KCNJ6: variants seen among roughly 807,000 people sequenced by gnomAD.
KCNJ6 encodes the protein potassium inwardly rectifying channel subfamily J member 6.
A neutral mutation model predicts 34.2 loss-of-function variants in KCNJ6; 9 were observed. The ratio of observed to expected loss-of-function variants is 0.26; its 90% confidence interval spans 0.16 to 0.46. The LOEUF is 0.46. Ranked by LOEUF, KCNJ6 falls within the 20% of genes least tolerant of loss-of-function variation. The pLI is 1.00. For synonymous variants in KCNJ6, 196 were observed against 207.1 expected, an observed-to-expected ratio of 0.95 and a Z score of 0.46; for missense variants, 236 against 531.3, an observed-to-expected ratio of 0.44 and a Z score of 5.46.
In KCNJ6 at chr21:37,762,939, C is replaced by CA. The variant is rs1256863971; in HGVS notation, c.26-47809dup. ...TCAGCGACTGAGAATAACGATGTTC[C>CA]AATCTTGATTCAGCCGGGGAAATCT... On this transcript the variant is annotated intron_variant, in intron 2 of 3. Transcript: ENST00000609713. 6.6e-5 allele frequency among the ~76,000 whole-genome samples: 10 copies of CA among 152,280 alleles called. No individual in the cohort carries two copies. The South Asian group carries it at 1.0e-3, about 16-fold the overall frequency.
chr21:37,808,349 T>C (rs2835974), intron 2 of KCNJ6, among the ~76,000 whole-genome samples: 78,390 of 151,982 alleles, frequency 0.52, 20,494 homozygotes, highest in Middle Eastern at 0.55. Flanking sequence ...AGCTAAAGAA[T>C]CATAATCTGC....
intron 2 of KCNJ6, among the ~76,000 whole-genome samples, chr21:37,729,368 G>A (rs2054872515): frequency 6.6e-6 from 1 of 152,120 alleles, no homozygotes; most frequent in South Asian, 2.1e-4. Context: ...CTGTCACCCA[G>A]GCTGGAGTGC....
chr21:37,853,706 T>C (rs1372031074), intron 1 of KCNJ6, among the ~76,000 whole-genome samples: 1 of 151,826 alleles, frequency 6.6e-6, no homozygotes, highest in Admixed American at 6.6e-5. Flanking sequence ...CTGTGATTCT[T>C]AATATATGTA....
intron 2 of KCNJ6, among the ~76,000 whole-genome samples, chr21:37,765,678 A>G (rs888291199): frequency 6.6e-6 from 1 of 152,216 alleles, no homozygotes; most frequent in African/African-American, 2.4e-5. Context: ...GCATACTACA[A>G]AAAAACCCCT....
intron 3 of KCNJ6, among the ~76,000 whole-genome samples, chr21:37,680,884 G>T (rs1296157090): frequency 6.6e-6 from 1 of 152,052 alleles, no homozygotes; most frequent in Non-Finnish European, 1.5e-5. Flanking sequence ...TATTTCTCTG[G>T]AGAACCCAGA....
intron 2 of KCNJ6, among the ~76,000 whole-genome samples, chr21:37,790,956 C>T (rs1359986135): frequency 6.6e-6 from 1 of 152,212 alleles, no homozygotes; most frequent in Non-Finnish European, 1.5e-5. Flanking sequence ...CACTGTTTAT[C>T]ACAGTTGGAT....
Position 37,634,402 on chromosome 21 carries a change from G to A in KCNJ6, c.947-8918C>T, listed in dbSNP as rs1313321426. On this transcript the variant is annotated intron_variant, in intron 3 of 3. Transcript: ENST00000609713. ...CTTCCTGAAGCCCTCACCAGAGGCC[G>A]GGGCCATGCTTCCTGTACAGCCTGC... is the stretch of plus-strand genomic sequence containing the variant. 7.9e-5 allele frequency among the ~76,000 whole-genome samples: 12 copies of A among 152,250 alleles called. No individual in the cohort carries two copies. In the East Asian group the frequency reaches 1.7e-3, roughly 22 times the overall value.
chr21:37,794,797 T>C (rs773783217), intron 2 of KCNJ6, among the ~76,000 whole-genome samples: 1 of 151,736 alleles, frequency 6.6e-6, no homozygotes, highest in Non-Finnish European at 1.5e-5. Context: ...AAAACCTAGA[T>C]GATGGGTTGA....
At chr21:37,867,555 T>C (rs751909469) in intron 1 of KCNJ6, among the ~76,000 whole-genome samples, 19 of 152,304 alleles carry the variant, frequency 1.2e-4, no homozygotes, top group South Asian at 1.0e-3. Context: ...TATATAAACA[T>C]TTGTTTACGT....
intron 2 of KCNJ6, among the ~76,000 whole-genome samples, chr21:37,764,772 C>T (rs577131717): frequency 5.6e-4 from 85 of 152,302 alleles, no homozygotes; most frequent in African/African-American, 1.9e-3. Flanking sequence ...TTGGTCATCC[C>T]GTGATCTTAC....
chr21:37,627,704 T>C (rs921984680), intron 3 of KCNJ6, among the ~76,000 whole-genome samples: 2 of 152,218 alleles, frequency 1.3e-5, no homozygotes, highest in African/African-American at 4.8e-5. Flanking sequence ...GAAGACCACA[T>C]GCATGTGTAA....
At chr21:37,836,888 T>C (rs959860948) in intron 2 of KCNJ6, among the ~76,000 whole-genome samples, 8 of 152,084 alleles carry the variant, frequency 5.3e-5, no homozygotes, top group Non-Finnish European at 1.0e-4. Context: ...TAAAGTATTA[T>C]ATATAAAAAA....
chr21:37,884,657 T>G (rs1480870883), intron 1 of KCNJ6, among the ~76,000 whole-genome samples: 2 of 152,192 alleles, frequency 1.3e-5, no homozygotes, highest in Non-Finnish European at 2.9e-5. Flanking sequence ...ATAGTCTATC[T>G]GCCCCCAACC....
chr21:37,749,951 A>C (rs2054986789), intron 2 of KCNJ6, among the ~76,000 whole-genome samples: 2 of 152,224 alleles, frequency 1.3e-5, no homozygotes, highest in African/African-American at 4.8e-5. Flanking sequence ...ACTATCTGCA[A>C]AACATCTAAT....
At chr21:37,813,163 C>A (rs556692880) in intron 2 of KCNJ6, among the ~76,000 whole-genome samples, 1 of 152,170 alleles carries the variant, frequency 6.6e-6, no homozygotes, top group Admixed American at 6.5e-5. Flanking sequence ...ATCCCAATTA[C>A]AATAGCCACA....
At chr21:37,690,086 T>C (rs2054632815) in intron 3 of KCNJ6, among the ~76,000 whole-genome samples, 1 of 147,038 alleles carries the variant, frequency 6.8e-6, no homozygotes, top group Non-Finnish European at 1.5e-5. Context: ...ATTATGCAAT[T>C]AAAATTGTTT....
At chr21:37,669,548 G>A (rs1433187973) in intron 3 of KCNJ6, among the ~76,000 whole-genome samples, 4 of 151,014 alleles carry the variant, frequency 2.6e-5, no homozygotes, top group African/African-American at 9.8e-5. Context: ...GATGGTAGGT[G>A]GTGTTGGGGA....
intron 2 of KCNJ6, among the ~76,000 whole-genome samples, chr21:37,782,373 A>G (rs2055173504): frequency 6.6e-6 from 1 of 152,208 alleles, no homozygotes; most frequent in African/African-American, 2.4e-5. Context: ...CATCAGCAGG[A>G]AACTAATGTA....
At chr21:37,629,559 G>GGACACA (rs1199137732) in intron 3 of KCNJ6, among the ~76,000 whole-genome samples, 4 of 152,080 alleles carry the variant, frequency 2.6e-5, no homozygotes, top group African/African-American at 9.7e-5. Context: ...GAGGAAATTA[G>GGACACA]GACACAGACA....
Sources: gnomAD v4.1 joint callset for allele counts (sites outside exome capture counted in the v4.1 genomes callset) on GRCh38, gnomAD v4.1.1 for gene constraint, MANE v1.5 for transcripts, NCBI Gene and HGNC (gene_info 2026-07-23, HGNC 2026-07-21) for gene names.